Variants in NEK7 observed in about 807,000 individuals in gnomAD.
NEK7 encodes serine/threonine-protein kinase Nek7.
NEK7 carries 18 observed loss-of-function variants against 44.6 expected under a neutral mutation model. The ratio of observed to expected loss-of-function variants is 0.40; its 90% CI spans 0.28 to 0.60. The LOEUF is 0.60. Among genes scored for constraint, NEK7 ranks in the 20% least tolerant of loss-of-function variants. The pLI, the probability that NEK7 is intolerant of heterozygous loss-of-function variation, is 0.38. For synonymous variants in NEK7, 130 were observed against 121.1 expected, an observed-to-expected ratio of 1.07 and a Z score of -0.48; for missense variants, 256 against 366.5, an observed-to-expected ratio of 0.70 and a Z score of 2.46.
intron 1 of NEK7, among the ~76,000 whole-genome samples, chr1:198,190,082 C>G (rs1665030398): frequency 6.6e-6 from 1 of 152,028 alleles, no homozygotes; most frequent in Non-Finnish European, 1.5e-5. Flanking sequence ...ACACATGAAA[C>G]AGAAGTATTT....
chr1:198,290,660 A>C (rs1046489945), intron 7 of NEK7, among the ~76,000 whole-genome samples: 4 of 152,178 alleles, frequency 2.6e-5, no homozygotes, highest in African/African-American at 9.7e-5. Context: ...ATTATAGTGC[A>C]GAATACAAAG....
intron 3 of NEK7, among the ~76,000 whole-genome samples, chr1:198,253,840 C>A (rs1653162255): frequency 6.6e-6 from 1 of 152,142 alleles, no homozygotes; most frequent in Non-Finnish European, 1.5e-5. Flanking sequence ...TGCTCACTTG[C>A]CAGAGCCCTG....
At chr1:198,309,909 T>G (rs1262456200) in intron 9 of NEK7, among the ~76,000 whole-genome samples, 1 of 152,182 alleles carries the variant, frequency 6.6e-6, no homozygotes, top group Non-Finnish European at 1.5e-5. Flanking sequence ...AACATAAGTG[T>G]GCATGTGTCT....
intron 5 of NEK7, among the ~76,000 whole-genome samples, chr1:198,271,918 T>TACACAC (rs201751610): frequency 2.2e-5 from 3 of 139,174 alleles, no homozygotes; most frequent in African/African-American, 7.8e-5. Context: ...TATATATATA[T>TACACAC]ATATATACAC....
intron 1 of NEK7, among the ~76,000 whole-genome samples, chr1:198,162,658 C>G (rs1664143469): frequency 6.6e-6 from 1 of 152,174 alleles, no homozygotes; most frequent in South Asian, 2.1e-4. Flanking sequence ...CTGTCACCCA[C>G]TCTGCCTTGG....
intron 3 of NEK7, among the ~76,000 whole-genome samples, chr1:198,254,940 A>C (rs1261536906): frequency 2.0e-5 from 3 of 152,158 alleles, no homozygotes; most frequent in East Asian, 3.9e-4. Context: ...AAATGGATTA[A>C]ATTTCTACTG....
chr1:198,240,268 C>A (rs140257292), intron 2 of NEK7, among the ~76,000 whole-genome samples: 1 of 152,048 alleles, frequency 6.6e-6, no homozygotes. Flanking sequence ...TACATACTTA[C>A]GAGTGAGAGT....
intron 2 of NEK7, among the ~76,000 whole-genome samples, chr1:198,236,428 T>A (rs1378229262): frequency 6.6e-6 from 1 of 152,132 alleles, no homozygotes; most frequent in East Asian, 1.9e-4. Flanking sequence ...TTGCTATAGG[T>A]TAAATTTATG....
intron 1 of NEK7, among the ~76,000 whole-genome samples, chr1:198,216,690 T>C (rs555364299): frequency 6.6e-6 from 1 of 151,950 alleles, no homozygotes; most frequent in South Asian, 2.1e-4. Context: ...GGCCACTAGC[T>C]AGATTAACCA....
intron 1 of NEK7, among the ~76,000 whole-genome samples, chr1:198,189,548 T>C (rs1281850445): frequency 6.6e-6 from 1 of 152,134 alleles, no homozygotes; most frequent in East Asian, 1.9e-4. Flanking sequence ...GAACAATTTG[T>C]ATACAAATTT....
intron 5 of NEK7, among the ~76,000 whole-genome samples, chr1:198,271,434 A>G (rs1422695279): frequency 6.6e-6 from 1 of 152,046 alleles, no homozygotes; most frequent in African/African-American, 2.4e-5. Flanking sequence ...TTTGGAGATA[A>G]CTGTTATCTT....
At chr1:198,298,045 T>C (rs1224997310) in intron 9 of NEK7, among the ~76,000 whole-genome samples, 1 of 152,196 alleles carries the variant, frequency 6.6e-6, no homozygotes, top group Non-Finnish European at 1.5e-5. Context: ...GTATGCAGAA[T>C]AGCAGTATCT....
At chr1:198,305,344 C>T (rs2103025913) in intron 9 of NEK7, among the ~76,000 whole-genome samples, 1 of 152,152 alleles carries the variant, frequency 6.6e-6, no homozygotes, top group South Asian at 2.1e-4. Context: ...TAATGTAGTA[C>T]TTAGAATCAT....
At chr1:198,318,722 G>C (rs1270473299) in intron 9 of NEK7, among the ~76,000 whole-genome samples, 2 of 152,020 alleles carry the variant, frequency 1.3e-5, no homozygotes, top group East Asian at 3.9e-4. Flanking sequence ...ATGGATCGAG[G>C]ACCATATAGG....
At chr1:198,250,230 T>G (rs1212761287) in intron 2 of NEK7, among the ~76,000 whole-genome samples, 715 of 133,488 alleles carry the variant, frequency 5.4e-3, no homozygotes, top group South Asian at 0.011. Context: ...TTCTGTTCCA[T>G]TGGTCTATAT....
Position 198,235,584 on chromosome 1 carries a change from C to A in NEK7, c.57+2947C>A, listed in dbSNP as rs867943216. Reference sequence around the variant, plus strand: ...GTTGGGAAATAGTAAAATTTTTACTCTTTACTGTAAGACTAATTTTAAACA... The same window carrying A: ...GTTGGGAAATAGTAAAATTTTTACTATTTACTGTAAGACTAATTTTAAACA... On this transcript the variant is annotated intron_variant, in intron 2 of 9. Coordinates refer to ENST00000367385, the MANE Select transcript of NEK7 (RefSeq NM_133494.3). Among the ~76,000 whole-genome samples the A allele has an allele frequency of 2.0e-5, 3 of 152,024 alleles. No individual in the cohort carries two copies. In the South Asian group the frequency reaches 6.2e-4, roughly 31 times the overall value.
At chr1:198,290,071 C>T (rs1327923026) in intron 7 of NEK7, among the ~76,000 whole-genome samples, 1 of 152,082 alleles carries the variant, frequency 6.6e-6, no homozygotes, top group East Asian at 1.9e-4. Context: ...TGTTATCATC[C>T]ATTTCCTACT....
At chr1:198,279,154 T>A in intron 7 of NEK7, 93 bp downstream of exon 7, 1 of 735,422 alleles carries the variant, frequency 1.4e-6, no homozygotes, top group South Asian at 1.7e-5. Context: ...TCTTACATTC[T>A]TAATAAAACT....
chr1:198,264,274 T>G, intron 5 of NEK7, 39 bp downstream of exon 5: 1 of 1,442,290 alleles, frequency 6.9e-7, no homozygotes, highest in South Asian at 1.2e-5. Flanking sequence ...TTTGTTTTGT[T>G]TTTTTTTCTA....
Sources: allele counts gnomAD v4.1 joint callset (sites outside exome capture counted in the v4.1 genomes callset), GRCh38; gene constraint gnomAD v4.1.1; transcripts MANE v1.5; gene names NCBI Gene and HGNC (gene_info 2026-07-23, HGNC 2026-07-21).